TRPC3: variants seen among roughly 807,000 people sequenced by gnomAD.
TRPC3 encodes the protein transient receptor potential cation channel subfamily C member 3.
In TRPC3, 54 loss-of-function variants were observed where a neutral mutation model predicts 90.9. The ratio of observed to expected loss-of-function variants is 0.59; its 90% CI spans 0.48 to 0.75. The LOEUF is 0.75. TRPC3 is among the 30% of genes least tolerant of loss of function. The probability of loss-of-function intolerance (pLI) is 0.00; values close to 1 mark genes in which losing one functional copy is unlikely to be tolerated. For missense variants in TRPC3, 918 were observed against 1,194.5 expected (o/e 0.77, Z 3.41); for synonymous variants, 424 against 450.9 (o/e 0.94, Z 0.75).
chr4:121,927,973 C>G (rs904773678), intron 2 of TRPC3, among the ~76,000 whole-genome samples: 2 of 152,118 alleles, frequency 1.3e-5, no homozygotes, highest in African/African-American at 4.8e-5. Context: ...CCATATAAAG[C>G]TTCCCTTTTA....
At position 121,875,935 on chromosome 4, in the gene TRPC3, T is replaced by C. The variant is rs934886544; in HGVS notation, c.*3801A>G. On this transcript the variant is annotated 3_prime_UTR_variant, in exon 12 of 12. Coordinates refer to ENST00000379645, the MANE Select transcript of TRPC3 (RefSeq NM_001130698.2). ...TTTTTTTGTGGGGGGTGGTTCACTTTGTCACCCAGGCTGGAGTGCAGTGGC... is the reference window on the plus strand; with the variant it reads ...TTTTTTTGTGGGGGGTGGTTCACTTCGTCACCCAGGCTGGAGTGCAGTGGC... 1.4e-5 allele frequency among the ~76,000 whole-genome samples: 2 copies of C among 147,666 alleles called. No individual in the cohort carries two copies. Among genetic ancestry groups the C allele is most frequent in the Non-Finnish European group, 3.0e-5 (2 of 67,068 alleles).
chr4:121,941,054 C>T (rs572675832), intron 1 of TRPC3, among the ~76,000 whole-genome samples: 1 of 152,144 alleles, frequency 6.6e-6, no homozygotes. Flanking sequence ...GCTACTTTAT[C>T]ATGATGCTGC....
intron 10 of TRPC3, among the ~76,000 whole-genome samples, chr4:121,898,527 C>T (rs1728595130): frequency 3.3e-5 from 5 of 152,290 alleles, no homozygotes; most frequent in African/African-American, 1.2e-4. Context: ...CATCATTCCA[C>T]CCCATCTGTG....
chr4:121,912,155 A>G (rs1729132245), intron 4 of TRPC3, 62 bp from the exon 5 acceptor site: 3 of 1,431,592 alleles, frequency 2.1e-6, no homozygotes, highest in Non-Finnish European at 2.9e-6. Flanking sequence ...TGTGGAGATT[A>G]CAACATAGGA....
At chr4:121,905,077 C>T (rs924835364) in intron 7 of TRPC3, among the ~76,000 whole-genome samples, 3 of 151,612 alleles carry the variant, frequency 2.0e-5, no homozygotes, top group Non-Finnish European at 4.4e-5. Context: ...TGAGACAGAT[C>T]GAGCTTTGTG....
intron 1 of TRPC3, among the ~76,000 whole-genome samples, chr4:121,939,722 G>A (rs1474067708): frequency 6.6e-6 from 1 of 152,226 alleles, no homozygotes; most frequent in African/African-American, 2.4e-5. Flanking sequence ...CAGGTGCTGG[G>A]ATTTGTAGCA....
Position 121,942,034 on chromosome 4 carries a change from G to GT in TRPC3, c.216-8993dup, listed in dbSNP as rs1469414877. Among the ~76,000 whole-genome samples the GT allele has an allele frequency of 1.1e-4, 16 of 152,262 alleles. No homozygotes were observed. In the East Asian group the frequency reaches 2.5e-3, roughly 24 times the overall value. ...TAGAGCTCAATAATACATTGTCACA[G>GT]TAACAACCAAACCAGCAAGATAAGG... On this transcript the variant is annotated intron_variant, in intron 1 of 11. Coordinates refer to ENST00000379645, the MANE Select transcript of TRPC3 (RefSeq NM_001130698.2).
rs1729971849 is a variant in TRPC3 at position 121,932,440 on chromosome 4, A to G, written c.818T>C (p.Met273Thr). The change falls in exon 2 of 12, where the codon ATG (methionine) becomes ACG (threonine). Residue 273 changes from methionine (M) to threonine (T), a missense_variant. Physicochemically the swap from Met to Thr is moderately conservative, Grantham distance 81. Coordinates refer to ENST00000379645, the MANE Select transcript of TRPC3 (RefSeq NM_001130698.2). The surrounding 1 kb of genome is among the most constrained non-coding windows in gnomAD (Gnocchi z 7.7). ...HDYFCKCGDC[M>T]EKQRHDSFSH... ...GAAGGAGTCGTGCCTCTGCTTCTCC[A>G]TGCAGTCCCCGCACTTGCAGAAATA... The G allele has an allele frequency of 1.2e-6, 2 of 1,614,140 alleles. No homozygotes were observed. Among genetic ancestry groups the G allele is most frequent in the Non-Finnish European group, 1.7e-6 (2 of 1,180,010 alleles).
chr4:121,942,291 G>C (rs528103924), intron 1 of TRPC3, among the ~76,000 whole-genome samples: 1 of 152,302 alleles, frequency 6.6e-6, no homozygotes, highest in African/African-American at 2.4e-5. Context: ...GCCAGGCATG[G>C]TGGCTCATGC....
In TRPC3 at chr4:121,874,770, A is replaced by G. The variant is rs954852661; in HGVS notation, c.*4966T>C. 1.1e-4 allele frequency among the ~76,000 whole-genome samples: 17 copies of G among 152,352 alleles called. No individual in the cohort carries two copies. Among genetic ancestry groups the G allele is most frequent in the African/African-American group, 4.1e-4 (17 of 41,580 alleles). On this transcript the variant is annotated 3_prime_UTR_variant, in exon 12 of 12. Coordinates refer to ENST00000379645, the MANE Select transcript of TRPC3 (RefSeq NM_001130698.2). The stretch of plus-strand genomic sequence containing the variant: ...AGATACTGAAGGCGAGGACTTTAAC[A>G]TGAGTTTTGAGGGGACACAATTCAG...
At chr4:121,947,285 C>T (rs564700748) in intron 1 of TRPC3, among the ~76,000 whole-genome samples, 1 of 152,104 alleles carries the variant, frequency 6.6e-6, no homozygotes, top group Admixed American at 6.5e-5. Flanking sequence ...AGAAAGCCGC[C>T]TCTTTCTTAA....
chr4:121,938,454 G>A (rs768911506), intron 1 of TRPC3, among the ~76,000 whole-genome samples: 1 of 152,114 alleles, frequency 6.6e-6, no homozygotes, highest in Admixed American at 6.5e-5. Context: ...AATTCTCATT[G>A]CCAGCACCAG....
Position 121,932,252 on chromosome 4 carries a change from G to T in TRPC3, c.987+19C>A. On this transcript the variant is annotated intron_variant, in intron 2 of 11. Transcript: ENST00000379645. This position sits in a 1 kb window ranked among gnomAD's most constrained non-coding sequence, Gnocchi z 7.7. ...TTGGGTGAGCACACAGAGCAGCCGG[G>T]GTAGAGCGCAAAGCTTACCTTGAAC... 1 of 1,608,824 alleles carries T rather than the reference G, an allele frequency of 6.2e-7. No individual in the cohort carries two copies.
At chr4:121,895,863 T>A (rs1413420432) in intron 10 of TRPC3, among the ~76,000 whole-genome samples, 1 of 151,940 alleles carries the variant, frequency 6.6e-6, no homozygotes, top group Non-Finnish European at 1.5e-5. Context: ...ATAACCCCAA[T>A]ACCAAAATAA....
Position 121,875,702 on chromosome 4 carries a change from A to G in TRPC3, c.*4034T>C, listed in dbSNP as rs1343760988. 6.6e-6 allele frequency among the ~76,000 whole-genome samples: 1 copy of G among 152,154 alleles called. No homozygotes were observed. The highest frequency in any genetic ancestry group is 1.9e-4 in the East Asian group (1 of 5,182). On this transcript the variant is annotated 3_prime_UTR_variant, in exon 12 of 12. Transcript: ENST00000379645. ...AGCAACCATTATGAGTATAAGTTAA[A>G]CAACTTATGGCTAAAAATAAAAGCA...
At position 121,940,925 on chromosome 4, in the gene TRPC3, C is replaced by CA. The variant is rs149636476; in HGVS notation, c.216-7884dup. ...TACCTAATACAATGTAGTATATGTT[C>CA]AAAAATACTTGGCAATTGATACTAA... is the stretch of plus-strand genomic sequence containing the variant. On this transcript the variant is annotated intron_variant, in intron 1 of 11. Coordinates refer to ENST00000379645, the MANE Select transcript of TRPC3 (RefSeq NM_001130698.2). Among the ~76,000 whole-genome samples, 1,328 of 152,152 alleles carry CA rather than the reference C, an allele frequency of 8.7e-3. 21 individuals are homozygous for CA. Among genetic ancestry groups the CA allele is most frequent in the African/African-American group, 0.031 (1,270 of 41,500 alleles).
chr4:121,903,130 G>A, intron 8 of TRPC3, 69 bp from the exon 9 acceptor site: 1 of 1,392,926 alleles, frequency 7.2e-7, no homozygotes, highest in Non-Finnish European at 9.7e-7. Context: ...TTGCTAATAG[G>A]TTTTTTACAA....
intron 1 of TRPC3, 180 bp from the exon 2 acceptor site, chr4:121,933,222 C>T (rs1730016430): frequency 3.9e-6 from 5 of 1,274,358 alleles, no homozygotes; most frequent in Middle Eastern, 2.9e-4. Flanking sequence ...TGTGATCTAA[C>T]CCTGGCTGCT....
At position 121,933,027 on chromosome 4, in the gene TRPC3, G is replaced by A; in HGVS notation, c.231C>T (p.Ser77=). Residue 77 remains serine, a synonymous_variant, in exon 2 of 12, where the codon AGC becomes AGT. Transcript: ENST00000379645. ...TCACTGTCATGCGTCTCAGGGATGG[G>A]CTTCCCTCCATGGACCTAATCAGTA... ...SHGPDLSMEG[S]PSLRRMTVMR... 1.3e-6 allele frequency: 2 copies of A among 1,589,228 alleles called. No individual in the cohort carries two copies. Among genetic ancestry groups the A allele is most frequent in the Middle Eastern group, 1.7e-4 (1 of 5,918 alleles).
Sources: gnomAD v4.1 joint callset for allele counts (sites outside exome capture counted in the v4.1 genomes callset) on GRCh38, gnomAD v4.1.1 for gene constraint, Gnocchi (gnomAD v3.1) non-coding constraint, MANE v1.5 for transcripts, NCBI Gene and HGNC (gene_info 2026-07-23, HGNC 2026-07-21) for gene names.